The following HS3ST4 variants were observed in gnomAD, a reference collection of about 807,000 sequenced individuals.
HS3ST4 encodes heparan sulfate-glucosamine 3-sulfotransferase 4.
A neutral mutation model predicts 29.2 loss-of-function variants in HS3ST4; 17 were observed. That is an observed-to-expected ratio of 0.58 (90% CI 0.40 to 0.87). HS3ST4 has a LOEUF of 0.87. Among genes scored for constraint, HS3ST4 ranks in the 40% least tolerant of loss-of-function variants. The pLI is 0.00. For missense variants in HS3ST4, 627 were observed against 634.5 expected, an observed-to-expected ratio of 0.99 and a Z score of 0.13; for synonymous variants, 314 against 285.7, an observed-to-expected ratio of 1.10 and a Z score of -1.00.
At chr16:25,748,336 C>G (rs999047960) in intron 1 of HS3ST4, among the ~76,000 whole-genome samples, 1 of 152,112 alleles carries the variant, frequency 6.6e-6, no homozygotes, top group Non-Finnish European at 1.5e-5. Flanking sequence ...CTTTACAGAA[C>G]TCAGTCTCAC....
chr16:25,952,416 C>T (rs1045826866), intron 1 of HS3ST4, among the ~76,000 whole-genome samples: 2 of 152,200 alleles, frequency 1.3e-5, no homozygotes, highest in African/African-American at 4.8e-5. Context: ...CCTGTGGCCA[C>T]AGGTAGGCAA....
intron 1 of HS3ST4, among the ~76,000 whole-genome samples, chr16:26,069,595 T>C (rs1193056396): frequency 6.6e-6 from 1 of 151,994 alleles, no homozygotes; most frequent in Non-Finnish European, 1.5e-5. Flanking sequence ...CTAGGGTACA[T>C]GTGCACAACG....
chr16:25,714,290 G>T (rs1268289734), intron 1 of HS3ST4, among the ~76,000 whole-genome samples: 2 of 152,166 alleles, frequency 1.3e-5, no homozygotes, highest in African/African-American at 2.4e-5. Context: ...CGCCAGACGG[G>T]AACCACTGCT....
At chr16:25,828,240 T>C (rs868023506) in intron 1 of HS3ST4, among the ~76,000 whole-genome samples, 117 of 59,678 alleles carry the variant, frequency 2.0e-3, no homozygotes, top group South Asian at 3.1e-3. Context: ...CTTTCTTTCT[T>C]TCTCTTTCTT....
At chr16:25,896,418 C>T (rs1019416983) in intron 1 of HS3ST4, among the ~76,000 whole-genome samples, 9 of 152,106 alleles carry the variant, frequency 5.9e-5, no homozygotes, top group African/African-American at 1.9e-4. Context: ...TATAAATCAT[C>T]AGAGAAATGC....
chr16:26,058,713 G>C (rs993585161), intron 1 of HS3ST4, among the ~76,000 whole-genome samples: 6 of 152,148 alleles, frequency 3.9e-5, no homozygotes, highest in African/African-American at 1.4e-4. Context: ...CCTCTACTTT[G>C]TTCCACAGGG....
At chr16:26,070,665 A>G (rs1321437716) in intron 1 of HS3ST4, among the ~76,000 whole-genome samples, 2 of 152,240 alleles carry the variant, frequency 1.3e-5, no homozygotes, top group Non-Finnish European at 2.9e-5. Flanking sequence ...AGGATGCTTT[A>G]CATGTACTTT....
At chr16:25,748,031 G>T (rs1204427055) in intron 1 of HS3ST4, among the ~76,000 whole-genome samples, 2 of 152,120 alleles carry the variant, frequency 1.3e-5, no homozygotes, top group African/African-American at 4.8e-5. Context: ...AGTTGGTGGT[G>T]GTGGTTGCAG....
chr16:25,817,312 C>T (rs1335860844), intron 1 of HS3ST4, among the ~76,000 whole-genome samples: 1 of 152,166 alleles, frequency 6.6e-6, no homozygotes, highest in Non-Finnish European at 1.5e-5. Context: ...GCCACTACTC[C>T]AAGATTCTTG....
At chr16:25,972,769 C>T (rs56122375) in intron 1 of HS3ST4, among the ~76,000 whole-genome samples, 13,378 of 152,108 alleles carry the variant, frequency 0.088, 777 homozygotes, top group Non-Finnish European at 0.12. Flanking sequence ...GGTGTGAATG[C>T]GAAGAGGGAG....
intron 1 of HS3ST4, among the ~76,000 whole-genome samples, chr16:26,001,751 AT>A (rs1969213623): frequency 6.6e-6 from 1 of 152,038 alleles, no homozygotes; most frequent in Non-Finnish European, 1.5e-5. Flanking sequence ...CTACTGTAAC[AT>A]TTTCTCCGAG....
At chr16:25,793,433 G>A (rs1282679215) in intron 1 of HS3ST4, among the ~76,000 whole-genome samples, 1 of 151,768 alleles carries the variant, frequency 6.6e-6, no homozygotes, top group African/African-American at 2.4e-5. Flanking sequence ...TTTTAGTTGT[G>A]TCAATTTTTG....
At chr16:26,038,886 T>A (rs1296224445) in intron 1 of HS3ST4, among the ~76,000 whole-genome samples, 1 of 152,104 alleles carries the variant, frequency 6.6e-6, no homozygotes, top group Non-Finnish European at 1.5e-5. Context: ...GGTTTCACTG[T>A]GTTAGCCAGG....
chr16:25,877,628 T>C (rs971155159), intron 1 of HS3ST4, among the ~76,000 whole-genome samples: 8 of 152,182 alleles, frequency 5.3e-5, no homozygotes, highest in African/African-American at 1.9e-4. Flanking sequence ...GATTCTTACC[T>C]AGAACCTTTG....
chr16:25,749,202 G>A (rs969919001), intron 1 of HS3ST4, among the ~76,000 whole-genome samples: 7 of 152,102 alleles, frequency 4.6e-5, no homozygotes, highest in African/African-American at 1.7e-4. Flanking sequence ...TTAAGAAGCT[G>A]GGGCTGTGGG....
At chr16:25,986,842 A>C (rs901280117) in intron 1 of HS3ST4, among the ~76,000 whole-genome samples, 2 of 152,154 alleles carry the variant, frequency 1.3e-5, no homozygotes, top group Non-Finnish European at 2.9e-5. Flanking sequence ...TTCTTATGGG[A>C]CCTAGGATGT....
chr16:26,102,379 G>T (rs1567312732), intron 1 of HS3ST4, among the ~76,000 whole-genome samples: 2 of 152,090 alleles, frequency 1.3e-5, no homozygotes, highest in Non-Finnish European at 2.9e-5. Flanking sequence ...GCACTCAAAA[G>T]GTGGTCCTTT....
chr16:25,800,223 T>C (rs1329969904), intron 1 of HS3ST4, among the ~76,000 whole-genome samples: 5 of 152,324 alleles, frequency 3.3e-5, no homozygotes, highest in Admixed American at 2.0e-4. Flanking sequence ...CAAATTTTAA[T>C]GTAAGTTTCT....
At position 25,972,950 on chromosome 16, in the gene HS3ST4, C is replaced by A. The variant is rs373025478; in HGVS notation, c.735-162662C>A. Among the ~76,000 whole-genome samples the A allele has an allele frequency of 9.3e-4, 141 of 152,238 alleles. 2 individuals are homozygous for A. Among genetic ancestry groups the A allele is most frequent in the Middle Eastern group, 6.8e-3 (2 of 294 alleles). On this transcript the variant is annotated intron_variant, in intron 1 of 1. Coordinates refer to ENST00000331351, the MANE Select transcript of HS3ST4 (RefSeq NM_006040.3). ...TTATTATTTATGCCATTTTTCCCAGCAAATATTTATTGAGTTTCCTACTGG... is the reference window on the plus strand; with the variant it reads ...TTATTATTTATGCCATTTTTCCCAGAAAATATTTATTGAGTTTCCTACTGG...
Sources: allele counts gnomAD v4.1 joint callset (sites outside exome capture counted in the v4.1 genomes callset), GRCh38; gene constraint gnomAD v4.1.1; transcripts MANE v1.5; gene names NCBI Gene and HGNC (gene_info 2026-07-23, HGNC 2026-07-21).